The following RAPGEF2 variants were observed in gnomAD, a reference collection of about 807,000 sequenced individuals.
RAPGEF2 encodes the protein Rap guanine nucleotide exchange factor 2.
In RAPGEF2, 54 loss-of-function variants were observed where a neutral mutation model predicts 186.7. That is an observed-to-expected ratio of 0.29 (90% CI 0.23 to 0.36). RAPGEF2 has a LOEUF of 0.36. Ranked by LOEUF, RAPGEF2 falls within the 10% of genes least tolerant of loss-of-function variation. The pLI, the probability that RAPGEF2 is intolerant of heterozygous loss-of-function variation, is 1.00. For synonymous variants in RAPGEF2, 712 were observed against 705.9 expected (o/e 1.01, Z -0.14); for missense variants, 1,532 against 2,045.0 (o/e 0.75, Z 4.84).
intron 7 of RAPGEF2, among the ~76,000 whole-genome samples, chr4:159,250,777 C>T (rs1483072517): frequency 6.6e-6 from 1 of 151,596 alleles, no homozygotes; most frequent in Non-Finnish European, 1.5e-5. Context: ...GTGCTAGCAG[C>T]CCTCGCTTGC....
intron 1 of RAPGEF2, among the ~76,000 whole-genome samples, chr4:159,107,657 T>C (rs902359468): frequency 3.3e-5 from 5 of 152,046 alleles, no homozygotes; most frequent in African/African-American, 1.2e-4. Flanking sequence ...TACTAACTCA[T>C]TGATGTGTTA....
chr4:159,199,137 G>T (rs151289180), intron 3 of RAPGEF2, among the ~76,000 whole-genome samples: 197 of 151,056 alleles, frequency 1.3e-3, no homozygotes, highest in Middle Eastern at 0.011. Context: ...CTTAGCCTTT[G>T]CATGGAATTG....
intron 2 of RAPGEF2, among the ~76,000 whole-genome samples, chr4:159,190,873 G>A (rs1169252298): frequency 6.6e-6 from 1 of 152,180 alleles, no homozygotes; most frequent in Non-Finnish European, 1.5e-5. Context: ...GATAAGATTT[G>A]GGTGGAGATA....
chr4:159,322,509 A>G (rs1286880566), intron 10 of RAPGEF2, 26 bp downstream of exon 10: 3 of 1,603,452 alleles, frequency 1.9e-6, no homozygotes, highest in Admixed American at 1.7e-5. Context: ...TACCACTTAA[A>G]AAGTTTCTTC....
At chr4:159,267,384 G>T in intron 7 of RAPGEF2, 1 of 1,217,684 alleles carries the variant, frequency 8.2e-7, no homozygotes, top group East Asian at 5.8e-5. Flanking sequence ...GTGTGCATGT[G>T]CTGTGTTTCT....
intron 13 of RAPGEF2, 152 bp downstream of exon 13, chr4:159,330,650 A>G: frequency 5.2e-6 from 3 of 579,448 alleles, no homozygotes; most frequent in African/African-American, 2.0e-5. Context: ...AAAACAAAAA[A>G]AAAGGTGATA....
chr4:159,148,416 A>ATT (rs1743170733), intron 1 of RAPGEF2, among the ~76,000 whole-genome samples: 1 of 152,230 alleles, frequency 6.6e-6, no homozygotes, highest in Non-Finnish European at 1.5e-5. Flanking sequence ...ATTTTGAATC[A>ATT]GAAAGTGTTA....
intron 3 of RAPGEF2, among the ~76,000 whole-genome samples, chr4:159,196,831 C>T (rs181990922): frequency 3.3e-5 from 5 of 152,274 alleles, no homozygotes. Context: ...TTAACATGAA[C>T]GACCAAGATG....
intron 1 of RAPGEF2, 92 bp downstream of exon 1, chr4:159,104,323 C>T (rs1250976868): frequency 1.9e-6 from 1 of 531,996 alleles, no homozygotes; most frequent in Non-Finnish European, 3.1e-6. Flanking sequence ...TGACACAGTT[C>T]GCCCCGAGCA....
chr4:159,309,840 G>A (rs1017910999), intron 8 of RAPGEF2, among the ~76,000 whole-genome samples: 1 of 152,164 alleles, frequency 6.6e-6, no homozygotes, highest in African/African-American at 2.4e-5. Flanking sequence ...GATGTAATAT[G>A]TAATAGAGGA....
At chr4:159,355,798 T>C in intron 28 of RAPGEF2, 55 bp from the exon 29 acceptor site, 1 of 1,398,458 alleles carries the variant, frequency 7.2e-7, no homozygotes, top group South Asian at 1.4e-5. Flanking sequence ...ATATTTTTAA[T>C]AAACTTTTGT....
chr4:159,240,080 G>A (rs1753776423), intron 5 of RAPGEF2, among the ~76,000 whole-genome samples: 1 of 152,122 alleles, frequency 6.6e-6, no homozygotes, highest in Non-Finnish European at 1.5e-5. Flanking sequence ...CAGATATATA[G>A]CACTTTCCAA....
chr4:159,190,044 G>A (rs1394494160), intron 2 of RAPGEF2, among the ~76,000 whole-genome samples: 1 of 152,114 alleles, frequency 6.6e-6, no homozygotes, highest in Non-Finnish European at 1.5e-5. Flanking sequence ...CAAAAGGAGG[G>A]GTGACATTAG....
chr4:159,231,018 GTAA>G (rs1370083810), intron 4 of RAPGEF2, among the ~76,000 whole-genome samples: 1 of 152,128 alleles, frequency 6.6e-6, no homozygotes, highest in African/African-American at 2.4e-5. Context: ...CATGCACTGT[GTAA>G]TAATGTTTTA....
intron 19 of RAPGEF2, among the ~76,000 whole-genome samples, chr4:159,339,577 C>T (rs1203541976): frequency 6.6e-6 from 1 of 151,912 alleles, no homozygotes; most frequent in African/African-American, 2.4e-5. Context: ...GGAACTTGTT[C>T]AAGGCCACTG....
At chr4:159,223,416 C>T (rs1751724356) in intron 4 of RAPGEF2, among the ~76,000 whole-genome samples, 1 of 152,098 alleles carries the variant, frequency 6.6e-6, no homozygotes, top group South Asian at 2.1e-4. Context: ...CTAGAAATTG[C>T]TTAGAATGTA....
At chr4:159,245,047 G>C (rs537889106) in intron 7 of RAPGEF2, among the ~76,000 whole-genome samples, 1 of 151,694 alleles carries the variant, frequency 6.6e-6, no homozygotes, top group African/African-American at 2.4e-5. Context: ...ATTGATCTTC[G>C]TCTTTTTTTA....
At chr4:159,175,466 G>T (rs1197690618) in intron 1 of RAPGEF2, among the ~76,000 whole-genome samples, 1 of 152,076 alleles carries the variant, frequency 6.6e-6, no homozygotes, top group African/African-American at 2.4e-5. Flanking sequence ...ACAAAGATCT[G>T]GGGAGGCTGT....
chr4:159,181,891 A>G lies in RAPGEF2; in HGVS notation c.70-4751A>G, dbSNP rs1160767339. On this transcript the variant is annotated intron_variant, in intron 1 of 29. Transcript: ENST00000691494. ...ACAACTTCAAGTAACATACAAATTC[A>G]TATTTAAACAAGAATGGTGAACTTT... Among the ~76,000 whole-genome samples, 3 of 152,318 alleles carry G rather than the reference A, an allele frequency of 2.0e-5. 1 individual carries two copies. Among genetic ancestry groups the G allele is most frequent in the South Asian group, 4.1e-4 (2 of 4,828 alleles).
Sources: allele counts gnomAD v4.1 joint callset (sites outside exome capture counted in the v4.1 genomes callset), GRCh38; gene constraint gnomAD v4.1.1; transcripts MANE v1.5; gene names NCBI Gene and HGNC (gene_info 2026-07-23, HGNC 2026-07-21).